SUPT3H: variants seen among roughly 807,000 people sequenced by gnomAD.
The protein encoded by SUPT3H is transcription initiation protein SPT3 homolog.
Under a neutral mutation model 44.3 loss-of-function variants are expected in SUPT3H, and 44 were observed. The observed-to-expected ratio is 0.99, with a 90% CI of 0.78 to 1.28. The LOEUF (loss-of-function observed/expected upper bound fraction) is 1.28, where lower values mean the gene tolerates loss of function less well. Among genes scored for constraint, SUPT3H ranks in the 50% most tolerant of loss-of-function variants. The pLI is 0.00. For synonymous variants in SUPT3H, 124 were observed against 125.6 expected (o/e 0.99, Z 0.09); for missense variants, 380 against 387.1 (o/e 0.98, Z 0.15).
intron 10 of SUPT3H, among the ~76,000 whole-genome samples, chr6:44,883,094 T>A (rs1207142634): frequency 6.6e-6 from 1 of 152,146 alleles, no homozygotes; most frequent in East Asian, 1.9e-4. Flanking sequence ...GGAAGTCAAA[T>A]TGTCTCTGTT....
At chr6:44,867,831 G>A (rs1775739346) in intron 10 of SUPT3H, among the ~76,000 whole-genome samples, 1 of 152,186 alleles carries the variant, frequency 6.6e-6, no homozygotes, top group Non-Finnish European at 1.5e-5. Flanking sequence ...TTAAGCTATT[G>A]AGTTTCATTC....
At chr6:45,215,018 G>A (rs540020216) in intron 2 of SUPT3H, among the ~76,000 whole-genome samples, 5 of 152,140 alleles carry the variant, frequency 3.3e-5, no homozygotes, top group East Asian at 3.9e-4. Context: ...AAAGCTGCAC[G>A]ACAGCAACAA....
intron 10 of SUPT3H, among the ~76,000 whole-genome samples, chr6:44,862,277 C>T (rs1162034987): frequency 3.3e-5 from 5 of 152,000 alleles, no homozygotes. Context: ...TCAGCTCAGG[C>T]AATCCTTTCT....
intron 2 of SUPT3H, among the ~76,000 whole-genome samples, chr6:45,339,217 G>A (rs1478131372): frequency 6.6e-6 from 1 of 152,030 alleles, no homozygotes; most frequent in Non-Finnish European, 1.5e-5. Context: ...GCCTATACAA[G>A]ACTTCTTATG....
intron 2 of SUPT3H, among the ~76,000 whole-genome samples, chr6:45,302,544 TATATATATATATG>T (rs1782313827): frequency 1.1e-5 from 1 of 94,478 alleles, no homozygotes; most frequent in Non-Finnish European, 2.3e-5. Context: ...TATATATATA[TATATATATATATG>T]CATGCCACAA....
chr6:44,881,213 A>G (rs892395191), intron 10 of SUPT3H, among the ~76,000 whole-genome samples: 2 of 152,040 alleles, frequency 1.3e-5, no homozygotes, highest in Non-Finnish European at 2.9e-5. Flanking sequence ...AAGCAAATGG[A>G]AAGCAAAAAA....
At chr6:45,145,765 T>C (rs1019370313) in intron 2 of SUPT3H, among the ~76,000 whole-genome samples, 10 of 151,978 alleles carry the variant, frequency 6.6e-5, no homozygotes, top group African/African-American at 2.2e-4. Context: ...AAACTATGTA[T>C]CCAACAAAGG....
rs188070296 is a variant in SUPT3H at position 44,900,381 on chromosome 6, C to T, written c.912+32272G>A. ...CGGCACACCAGGAGATTATATTCTG[C>T]GCCTGGCTCGGAGGGTCCTATGCCC... On this transcript the variant is annotated intron_variant, in intron 10 of 10. Coordinates refer to ENST00000371459, the MANE Select transcript of SUPT3H (RefSeq NM_003599.4). Among the ~76,000 whole-genome samples, 1,081 of 152,352 alleles carry T rather than the reference C, an allele frequency of 7.1e-3. 21 individuals are homozygous for T. Among genetic ancestry groups the T allele is most frequent in the African/African-American group, 0.025 (1,025 of 41,582 alleles).
At chr6:45,321,782 T>C in intron 2 of SUPT3H, 1 of 1,572,240 alleles carries the variant, frequency 6.4e-7, no homozygotes, top group Non-Finnish European at 8.7e-7. Flanking sequence ...GGAACACAAT[T>C]TCCCACTACT....
chr6:44,897,335 A>C (rs504907), intron 10 of SUPT3H, among the ~76,000 whole-genome samples: 7,185 of 152,320 alleles, frequency 0.047, 242 homozygotes, highest in South Asian at 0.13. Context: ...TAGTCATCCT[A>C]TAGAAATCTA....
intron 3 of SUPT3H, among the ~76,000 whole-genome samples, chr6:45,059,184 C>A (rs1791584342): frequency 6.6e-6 from 1 of 151,962 alleles, no homozygotes; most frequent in East Asian, 1.9e-4. Context: ...TGCAAAAATC[C>A]TCAATAAAGT....
chr6:44,999,470 C>G (rs1468727183), intron 6 of SUPT3H, among the ~76,000 whole-genome samples: 1 of 151,880 alleles, frequency 6.6e-6, no homozygotes, highest in South Asian at 2.1e-4. Flanking sequence ...ATATGTACAG[C>G]CATTACATAT....
At position 45,263,760 on chromosome 6, in the gene SUPT3H, G is replaced by T. The variant is rs59374313; in HGVS notation, c.101+101441C>A. Among the ~76,000 whole-genome samples the T allele has an allele frequency of 5.1e-3, 771 of 152,112 alleles. 10 individuals carry two copies. The highest frequency in any genetic ancestry group is 0.018 in the African/African-American group (733 of 41,488). ...CCCTACAGTCTCAAATCCAACAAAA[G>T]AAACAAACATAGTCCCTTCTCACCC... On this transcript the variant is annotated intron_variant, in intron 2 of 10. Coordinates refer to ENST00000371459, the MANE Select transcript of SUPT3H (RefSeq NM_003599.4).
intron 2 of SUPT3H, among the ~76,000 whole-genome samples, chr6:45,303,728 C>A (rs1247848872): frequency 6.6e-6 from 1 of 150,422 alleles, no homozygotes; most frequent in Admixed American, 6.6e-5. Context: ...GGCACAGTGG[C>A]TCATGCCTGT....
chr6:44,914,665 T>C (rs1482326672), intron 10 of SUPT3H, among the ~76,000 whole-genome samples: 1 of 152,220 alleles, frequency 6.6e-6, no homozygotes, highest in East Asian at 1.9e-4. Flanking sequence ...GGCCTAAAAC[T>C]GATTAGGGAG....
At chr6:44,846,683 G>A (rs1771923590) in intron 10 of SUPT3H, among the ~76,000 whole-genome samples, 2 of 151,796 alleles carry the variant, frequency 1.3e-5, no homozygotes, top group Non-Finnish European at 2.9e-5. Context: ...TCAGGCTGGA[G>A]TGCAGTGGCG....
chr6:45,216,751 T>C (rs935679011), intron 2 of SUPT3H, among the ~76,000 whole-genome samples: 3 of 152,148 alleles, frequency 2.0e-5, no homozygotes, highest in Non-Finnish European at 1.5e-5. Flanking sequence ...CAAGAGGATA[T>C]AACAGTTGTA....
intron 11 of SUPT3H, among the ~76,000 whole-genome samples, chr6:44,820,078 G>C (rs568191046): frequency 9.9e-5 from 15 of 151,980 alleles, no homozygotes; most frequent in African/African-American, 2.7e-4. Context: ...TATTAGCCGG[G>C]CATGGTGGCA....
chr6:45,328,378 T>C (rs765880141), intron 2 of SUPT3H: 1 of 1,392,818 alleles, frequency 7.2e-7, no homozygotes, highest in South Asian at 1.1e-5. Flanking sequence ...GCAAACTTTC[T>C]CCAGGAGGAC....
Sources: allele counts gnomAD v4.1 joint callset (sites outside exome capture counted in the v4.1 genomes callset), GRCh38; gene constraint gnomAD v4.1.1; transcripts MANE v1.5; gene names NCBI Gene and HGNC (gene_info 2026-07-23, HGNC 2026-07-21).